The following C3orf49 variants were observed in gnomAD, a reference collection of about 807,000 sequenced individuals.
The protein encoded by C3orf49 is chromosome 3 open reading frame 49.
A neutral mutation model predicts 13.3 loss-of-function variants in C3orf49; 27 were observed. The observed-to-expected ratio is 2.02, with a 90% CI of 1.49 to 2.79. The LOEUF (loss-of-function observed/expected upper bound fraction) is 2.79. C3orf49 is among the 30% of genes most tolerant of loss of function. The probability of loss-of-function intolerance (pLI) is 0.00; values close to 1 mark genes in which losing one functional copy is unlikely to be tolerated. For synonymous variants in C3orf49, 87 were observed against 47.6 expected (o/e 1.83, Z -3.40); for missense variants, 242 against 134.2 (o/e 1.80, Z -3.97).
chr3:63,789,810 C>CAAAA, the C3orf49 span, among the ~76,000 whole-genome samples: 27 of 49,642 alleles, frequency 5.4e-4, no homozygotes, highest in African/African-American at 1.7e-3. Flanking sequence ...GACTCTGTCT[C>CAAAA]AAAAAAAAAA....
the C3orf49 span, among the ~76,000 whole-genome samples, chr3:63,799,179 G>T: frequency 6.6e-6 from 1 of 152,146 alleles, no homozygotes; most frequent in Non-Finnish European, 1.5e-5. Context: ...TGATTACGTG[G>T]TTGAATTGCA....
chr3:63,831,223 G>C lies in C3orf49; in HGVS notation c.684G>C (p.Gln228His). ...SDLTVGKLQM[Q>H]VDDLIETVTD... ...TGACAGTAGGAAAGCTTCAAATGCA[G>C]GTAGTGGACAAAGGCTTTTAACTTT... The change falls in exon 4 of 7, where the codon CAG becomes CAC. Residue 228 changes from glutamine to histidine, a missense_variant and splice_region_variant. Physicochemically the swap from Gln to His is conservative, Grantham distance 24. Coordinates refer to ENST00000295896, the MANE Select transcript of C3orf49 (RefSeq NM_001355236.2). 1 of 701,574 alleles carries C rather than the reference G, an allele frequency of 1.4e-6. No individual in the cohort carries two copies. Among genetic ancestry groups the C allele is most frequent in the Non-Finnish European group, 2.6e-6 (1 of 384,648 alleles). 43.5% of individuals were successfully genotyped at this position (701,574 alleles called of 1,614,324 possible). A position where few individuals can be genotyped will look rare whatever the true frequency, so the allele number is the denominator to read the frequency against.
the C3orf49 span, among the ~76,000 whole-genome samples, chr3:63,786,771 T>G: frequency 7.2e-5 from 11 of 152,326 alleles, no homozygotes; most frequent in African/African-American, 2.6e-4. Context: ...ATCTCACAGA[T>G]AGAAACACAG....
the C3orf49 span, among the ~76,000 whole-genome samples, chr3:63,780,211 A>T: frequency 6.6e-6 from 1 of 152,054 alleles, no homozygotes; most frequent in Non-Finnish European, 1.5e-5. Context: ...TCATTGTTCA[A>T]TTCCCACCTA....
the C3orf49 span, among the ~76,000 whole-genome samples, chr3:63,783,764 G>A: frequency 1.3e-5 from 2 of 151,168 alleles, no homozygotes; most frequent in South Asian, 2.1e-4. Flanking sequence ...AATTAATTCT[G>A]GGAAGCCTTT....
the C3orf49 span, among the ~76,000 whole-genome samples, chr3:63,780,903 A>G: frequency 3.9e-5 from 6 of 151,908 alleles, no homozygotes; most frequent in South Asian, 2.1e-4. Context: ...TTTGTCAGAT[A>G]AGTAGATTGC....
At chr3:63,823,220 C>T in intron 1 of C3orf49, 30 bp from the exon 2 acceptor site, 1 of 648,986 alleles carries the variant, frequency 1.5e-6, no homozygotes, top group South Asian at 1.7e-5. Flanking sequence ...TTTCAGTTTC[C>T]CTAATATGAA....
At chr3:63,789,981 G>A in the C3orf49 span, among the ~76,000 whole-genome samples, 4 of 151,930 alleles carry the variant, frequency 2.6e-5, no homozygotes, top group African/African-American at 4.8e-5. Flanking sequence ...ACCTGTAAAC[G>A]TCCACTGGAC....
At chr3:63,807,723 G>C in the C3orf49 span, among the ~76,000 whole-genome samples, 26 of 151,576 alleles carry the variant, frequency 1.7e-4, no homozygotes, top group Admixed American at 9.9e-4. Context: ...CGGGCGTGGT[G>C]GTGGGCGCCT....
intron 5 of C3orf49, among the ~76,000 whole-genome samples, chr3:63,835,782 A>G (rs1701619782): frequency 6.6e-6 from 1 of 152,062 alleles, no homozygotes; most frequent in Admixed American, 6.6e-5. Context: ...GGGCCTTTTT[A>G]TCTCCTCTAC....
At chr3:63,825,340 T>C (rs1701453167) in intron 2 of C3orf49, among the ~76,000 whole-genome samples, 1 of 151,984 alleles carries the variant, frequency 6.6e-6, no homozygotes. Context: ...ACCCTGATGG[T>C]TTCCAGCCGA....
chr3:63,818,000 G>A (rs1427957496), upstream of C3orf49, among the ~76,000 whole-genome samples: 1 of 152,012 alleles, frequency 6.6e-6, no homozygotes, highest in Non-Finnish European at 1.5e-5. Context: ...TATTTATTGT[G>A]CTCTGAGGAT....
At chr3:63,848,186 T>C (rs1003941395) in intron 6 of C3orf49, among the ~76,000 whole-genome samples, 178 bp from the exon 7 acceptor site, 5 of 152,230 alleles carry the variant, frequency 3.3e-5, no homozygotes, top group African/African-American at 1.2e-4. Context: ...CCCCTTCCCT[T>C]TCCAGGTCTT....
At chr3:63,787,592 G>C in the C3orf49 span, among the ~76,000 whole-genome samples, 1 of 152,018 alleles carries the variant, frequency 6.6e-6, no homozygotes, top group East Asian at 1.9e-4. Flanking sequence ...TGTCCTTTAG[G>C]GAAGGTTTGG....
chr3:63,802,220 A>C, the C3orf49 span, among the ~76,000 whole-genome samples: 4 of 152,132 alleles, frequency 2.6e-5, no homozygotes, highest in Non-Finnish European at 5.9e-5. Context: ...AAGCTTTGCT[A>C]TTGTTTCTGC....
chr3:63,782,872 G>C, the C3orf49 span: 1 of 152,156 alleles, frequency 6.6e-6, no homozygotes, highest in South Asian at 2.1e-4. Context: ...TTTCAATTTT[G>C]AAAACAGACA....
chr3:63,796,839 T>A, the C3orf49 span, among the ~76,000 whole-genome samples: 1 of 152,168 alleles, frequency 6.6e-6, no homozygotes, highest in East Asian at 1.9e-4. Context: ...TATATCCTTC[T>A]TTATGCAGAT....
At chr3:63,818,073 G>C (rs571699817), upstream of C3orf49, among the ~76,000 whole-genome samples, 4 of 152,278 alleles carry the variant, frequency 2.6e-5, no homozygotes, top group Admixed American at 6.5e-5. Flanking sequence ...AGGCATATTA[G>C]ATATGCTCTA....
At chr3:63,844,719 C>G (rs1701849260) in intron 5 of C3orf49, among the ~76,000 whole-genome samples, 1 of 152,154 alleles carries the variant, frequency 6.6e-6, no homozygotes, top group Admixed American at 6.5e-5. Context: ...TCTCCTTTGC[C>G]ATGTGATACC....
Sources: allele counts gnomAD v4.1 joint callset (sites outside exome capture counted in the v4.1 genomes callset), GRCh38; gene constraint gnomAD v4.1.1; transcripts MANE v1.5; gene names NCBI Gene and HGNC (gene_info 2026-07-23, HGNC 2026-07-21).